LINGO2: variants seen among roughly 807,000 people sequenced by gnomAD.
LINGO2 encodes the protein leucine-rich repeat and immunoglobulin-like domain-containing nogo receptor-interacting protein 2.
A neutral mutation model predicts 30.6 loss-of-function variants in LINGO2; 14 were observed. The observed-to-expected ratio is 0.46, with a 90% CI of 0.30 to 0.72. LINGO2 has a LOEUF of 0.72. Among genes scored for constraint, LINGO2 ranks in the 30% least tolerant of loss-of-function variants. The pLI, the probability that LINGO2 is intolerant of heterozygous loss-of-function variation, is 0.07. For synonymous variants in LINGO2, 317 were observed against 288.5 expected, an observed-to-expected ratio of 1.10 and a Z score of -1.00; for missense variants, 729 against 751.7, an observed-to-expected ratio of 0.97 and a Z score of 0.35.
the LINGO2 span, among the ~76,000 whole-genome samples, chr9:29,035,415 A>G: frequency 1.3e-5 from 2 of 151,912 alleles, no homozygotes; most frequent in African/African-American, 4.8e-5. Flanking sequence ...TTAGCCTATT[A>G]AGAACAAAAA....
chr9:28,189,661 AAGGAAGGGAGGAAGGAAGGAAGGG>A (rs1819731873), intron 4 of LINGO2, among the ~76,000 whole-genome samples: 2 of 45,680 alleles, frequency 4.4e-5, no homozygotes, highest in Admixed American at 2.6e-4. Context: ...GGAAGGAAGG[AAGGAAGGGAGGAAGGAAGGAAGGG>A]AGGAAGGAAG....
the LINGO2 span, among the ~76,000 whole-genome samples, chr9:28,877,410 T>A: frequency 6.6e-6 from 1 of 152,084 alleles, no homozygotes; most frequent in Non-Finnish European, 1.5e-5. Flanking sequence ...CGTTAATCCA[T>A]CTTGAATTAA....
the LINGO2 span, among the ~76,000 whole-genome samples, chr9:29,058,883 C>T: frequency 6.6e-6 from 1 of 151,806 alleles, no homozygotes; most frequent in Non-Finnish European, 1.5e-5. Context: ...AAAAAATTGA[C>T]AAATTAGACA....
intron 4 of LINGO2, among the ~76,000 whole-genome samples, chr9:28,053,642 C>A (rs1219276779): frequency 6.6e-6 from 1 of 151,936 alleles, no homozygotes; most frequent in African/African-American, 2.4e-5. Flanking sequence ...GCGCTGGTTG[C>A]AAATCAAGAT....
the LINGO2 span, among the ~76,000 whole-genome samples, chr9:28,941,298 A>G: frequency 1.1e-4 from 16 of 152,286 alleles, no homozygotes; most frequent in South Asian, 3.3e-3. Flanking sequence ...AGATATGCAT[A>G]TTTAATTATG....
At chr9:28,650,554 G>A (rs1463657745) in intron 1 of LINGO2, among the ~76,000 whole-genome samples, 3 of 152,054 alleles carry the variant, frequency 2.0e-5, no homozygotes, top group African/African-American at 4.8e-5. Context: ...CCAAAGTCCT[G>A]TGGGAAGATC....
chr9:28,431,636 C>T (rs545285802), intron 2 of LINGO2, among the ~76,000 whole-genome samples: 1 of 152,050 alleles, frequency 6.6e-6, no homozygotes, highest in Non-Finnish European at 1.5e-5. Flanking sequence ...AAGTTAGAAA[C>T]CAAAAGATCA....
At chr9:28,227,222 A>G (rs1312489713) in intron 4 of LINGO2, among the ~76,000 whole-genome samples, 2 of 152,124 alleles carry the variant, frequency 1.3e-5, no homozygotes, top group Non-Finnish European at 2.9e-5. Context: ...TGGCAGAACA[A>G]GAAGTAAAAT....
At chr9:28,408,660 C>A (rs911233633) in intron 2 of LINGO2, among the ~76,000 whole-genome samples, 5 of 151,080 alleles carry the variant, frequency 3.3e-5, no homozygotes, top group Admixed American at 6.6e-5. Context: ...AGGAGATATA[C>A]CTAATGCTAA....
At chr9:28,511,089 C>T (rs1820366258) in intron 1 of LINGO2, among the ~76,000 whole-genome samples, 1 of 151,980 alleles carries the variant, frequency 6.6e-6, no homozygotes, top group South Asian at 2.1e-4. Context: ...TGTTAATCTC[C>T]TTTGGCAGCA....
the LINGO2 span, among the ~76,000 whole-genome samples, chr9:28,756,157 C>T: frequency 5.9e-5 from 9 of 151,898 alleles, 1 homozygote; most frequent in African/African-American, 1.9e-4. Context: ...TGCCCAAGAC[C>T]TTTAGAGTTT....
Position 28,608,791 on chromosome 9 carries a change from G to A in LINGO2, c.-365+61409C>T, listed in dbSNP as rs190904960. Reference sequence around the variant, plus strand: ...GAACCATGGATGTAGTTCAGATTTCGTTTATATTATTCCTTGCTTTTTACA... The same window carrying A: ...GAACCATGGATGTAGTTCAGATTTCATTTATATTATTCCTTGCTTTTTACA... On this transcript the variant is annotated intron_variant, in intron 1 of 5. Transcript: ENST00000379992. 4.1e-3 allele frequency among the ~76,000 whole-genome samples: 625 copies of A among 151,842 alleles called. 11 individuals carry two copies. Among genetic ancestry groups the A allele is most frequent in the Non-Finnish European group, 5.6e-3 (377 of 67,842 alleles).
the LINGO2 span, among the ~76,000 whole-genome samples, chr9:28,837,349 T>C: frequency 6.6e-6 from 1 of 151,908 alleles, no homozygotes; most frequent in Non-Finnish European, 1.5e-5. Flanking sequence ...AAGTAACTAT[T>C]AGAAATATTG....
intron 3 of LINGO2, among the ~76,000 whole-genome samples, chr9:28,354,930 T>C (rs143124688): frequency 2.0e-4 from 31 of 152,292 alleles, no homozygotes; most frequent in African/African-American, 7.0e-4. Context: ...CTTGCTGTTG[T>C]GCATTGCTGA....
chr9:28,120,521 C>T (rs1475526313), intron 4 of LINGO2, among the ~76,000 whole-genome samples: 1 of 152,174 alleles, frequency 6.6e-6, no homozygotes, highest in East Asian at 1.9e-4. Flanking sequence ...TGGAAATATT[C>T]AGTGTTAAAG....
intron 1 of LINGO2, among the ~76,000 whole-genome samples, chr9:28,537,516 T>C (rs1462446101): frequency 1.3e-5 from 2 of 151,252 alleles, no homozygotes; most frequent in Non-Finnish European, 3.0e-5. Flanking sequence ...CTTCCTTTTA[T>C]AAACAGAGAG....
chr9:28,306,339 G>A (rs1426247408), intron 3 of LINGO2, among the ~76,000 whole-genome samples: 1 of 151,580 alleles, frequency 6.6e-6, no homozygotes, highest in African/African-American at 2.4e-5. Context: ...ATGGAGGAAG[G>A]AAGAAATGAA....
chr9:28,895,647 A>AT, the LINGO2 span, among the ~76,000 whole-genome samples: 709 of 151,888 alleles, frequency 4.7e-3, 47 homozygotes, highest in East Asian at 0.12. Context: ...CAAATAATAC[A>AT]TTTTTTTTGT....
At chr9:28,149,674 C>CCA (rs1274224531) in intron 4 of LINGO2, among the ~76,000 whole-genome samples, 11 of 138,054 alleles carry the variant, frequency 8.0e-5, no homozygotes, top group Middle Eastern at 5.7e-3. Flanking sequence ...CCCCCTTACA[C>CCA]TCTGGGAAGT....
Sources: allele counts gnomAD v4.1 joint callset (sites outside exome capture counted in the v4.1 genomes callset), GRCh38; gene constraint gnomAD v4.1.1; transcripts MANE v1.5; gene names NCBI Gene and HGNC (gene_info 2026-07-23, HGNC 2026-07-21).